The following SPTBN4 variants were observed in gnomAD, a reference collection of about 807,000 sequenced individuals.
SPTBN4 encodes spectrin beta chain, non-erythrocytic 4.
Under a neutral mutation model 277.8 loss-of-function variants are expected in SPTBN4, and 96 were observed. The observed-to-expected ratio is 0.35, with a 90% confidence interval of 0.29 to 0.41. The LOEUF (loss-of-function observed/expected upper bound fraction) is 0.41, where lower values mean the gene tolerates loss of function less well. Ranked by LOEUF, SPTBN4 falls within the 10% of genes least tolerant of loss-of-function variation. SPTBN4 has a pLI of 1.00. For missense variants in SPTBN4, 3,006 were observed against 3,595.7 expected (o/e 0.84, Z 4.19); for synonymous variants, 1,481 against 1,580.3 (o/e 0.94, Z 1.49).
At chr19:40,527,962 C>T (rs896121353) in intron 17 of SPTBN4, among the ~76,000 whole-genome samples, 4 of 146,754 alleles carry the variant, frequency 2.7e-5, no homozygotes, top group Non-Finnish European at 4.5e-5. Context: ...AGGCTGAGGC[C>T]GGAGAATCGC....
rs770792509 is a variant in SPTBN4 at position 40,472,709 on chromosome 19, C to A, written c.88C>A (p.Arg30=). 6.2e-7 allele frequency: 1 copy of A among 1,612,254 alleles called. No homozygotes were observed. Among genetic ancestry groups the A allele is most frequent in the Non-Finnish European group, 8.5e-7 (1 of 1,179,268 alleles). ...TGCTGCCCGCTGGGAGAGTCCGGAT[C>A]GGGGCTGGGAGCGGGAGCAGCCGGC... ...NPAARWESPD[R]GWEREQPAAS... The change falls in exon 2 of 36, where the codon CGG becomes AGG. Residue 30 remains arginine, a synonymous_variant. Coordinates refer to ENST00000598249, the MANE Select transcript of SPTBN4 (RefSeq NM_020971.3).
In SPTBN4 at chr19:40,575,401, C is replaced by G; in HGVS notation, c.7537-10C>G. 1 of 1,612,070 alleles carries G rather than the reference C, an allele frequency of 6.2e-7. No homozygotes were observed. On this transcript the variant is annotated splice_polypyrimidine_tract_variant and intron_variant, in intron 35 of 35. Transcript: ENST00000598249. ...CAAATACGGCCTCTGTGCCCTGTTT[C>G]TTCCCCCAGGAGGAGATGAACGGCT... is the stretch of plus-strand genomic sequence containing the variant.
intron 30 of SPTBN4, 63 bp from the exon 31 acceptor site, chr19:40,567,600 A>C (rs1050374681): frequency 1.4e-4 from 152 of 1,055,804 alleles, no homozygotes; most frequent in Non-Finnish European, 1.7e-4. Flanking sequence ...GCCTCCCCGG[A>C]CCTCCCCCTT....
chr19:40,518,523 C>T (rs947040760), intron 15 of SPTBN4, among the ~76,000 whole-genome samples: 3 of 152,078 alleles, frequency 2.0e-5, no homozygotes, highest in Admixed American at 6.6e-5. Context: ...GCCTCGACTT[C>T]GCAGGCTCCA....
At chr19:40,497,842 G>C (rs867773780) in intron 7 of SPTBN4, among the ~76,000 whole-genome samples, 1 of 145,992 alleles carries the variant, frequency 6.8e-6, no homozygotes, top group Non-Finnish European at 1.5e-5. Context: ...ATCCCCAACC[G>C]TGTCCCAACG....
At position 40,554,156 on chromosome 19, in the gene SPTBN4, C is replaced by G; in HGVS notation, c.4684C>G (p.Arg1562Gly). 1 of 1,442,574 alleles carries G rather than the reference C, an allele frequency of 6.9e-7. No individual in the cohort carries two copies. The highest frequency in any genetic ancestry group is 2.7e-5 in the East Asian group (1 of 37,094). 89.4% of individuals were successfully genotyped at this position (1,442,574 alleles called of 1,614,324 possible). ...TACCTCCTGCCCCCAGGGCCTGCGGCGGGAGATCCAGGCGCATGGGCCGCG... is the reference window on the plus strand; with the variant it reads ...TACCTCCTGCCCCCAGGGCCTGCGGGGGGAGATCCAGGCGCATGGGCCGCG... ...QHIKKNQGLR[R>G]EIQAHGPRLE... Residue 1562 changes from arginine to glycine, a missense_variant, in exon 23 of 36, where the codon CGG (arginine) becomes GGG (glycine). By Grantham distance (125) the Arg-to-Gly change is moderately radical (BLOSUM62 -2). Transcript: ENST00000598249. The surrounding 1 kb of genome is among the most constrained non-coding windows in gnomAD (Gnocchi z 5.7).
At chr19:40,528,474 C>A (rs2080621287) in intron 17 of SPTBN4, among the ~76,000 whole-genome samples, 1 of 152,220 alleles carries the variant, frequency 6.6e-6, no homozygotes, top group South Asian at 2.1e-4. Context: ...CCTGGTCTGT[C>A]TGTCGTCTGT....
intron 18 of SPTBN4, chr19:40,530,638 C>A: frequency 1.1e-6 from 1 of 937,442 alleles, no homozygotes; most frequent in Non-Finnish European, 1.3e-6. Context: ...CCCGCGGACG[C>A]AGACAGGGGA....
intron 17 of SPTBN4, among the ~76,000 whole-genome samples, chr19:40,525,228 G>A (rs1163122934): frequency 6.6e-6 from 1 of 152,028 alleles, no homozygotes; most frequent in Non-Finnish European, 1.5e-5. Flanking sequence ...TGCTTCTAAA[G>A]GAAACTTTTA....
At chr19:40,524,068 C>A (rs546250885) in intron 17 of SPTBN4, among the ~76,000 whole-genome samples, 1 of 152,058 alleles carries the variant, frequency 6.6e-6, no homozygotes, top group Non-Finnish European at 1.5e-5. Flanking sequence ...CTGTGATTAG[C>A]GGCATGAGCC....
intron 13 of SPTBN4, among the ~76,000 whole-genome samples, chr19:40,512,391 T>A (rs1182654830): frequency 6.6e-6 from 1 of 152,076 alleles, no homozygotes; most frequent in Non-Finnish European, 1.5e-5. Flanking sequence ...CACAGAGTAG[T>A]CAGGGCTAGG....
At chr19:40,567,339 A>AAATG in intron 30 of SPTBN4, among the ~76,000 whole-genome samples, 1 of 151,200 alleles carries the variant, frequency 6.6e-6, no homozygotes, top group East Asian at 1.9e-4. Context: ...ATAAATAAAT[A>AAATG]AATAAAGTCT....
At chr19:40,507,592 C>T (rs916419995) in intron 13 of SPTBN4, among the ~76,000 whole-genome samples, 5 of 151,994 alleles carry the variant, frequency 3.3e-5, no homozygotes, top group African/African-American at 1.2e-4. Flanking sequence ...TGCTTGTAAT[C>T]CTAACACTTT....
rs1483234658 is a variant in SPTBN4, at chr19:40,502,624, A to C, written c.1203+117A>C. 1 of 1,442,258 alleles carries C rather than the reference A, an allele frequency of 6.9e-7. No individual in the cohort carries two copies. Among genetic ancestry groups the C allele is most frequent in the East Asian group, 2.3e-5 (1 of 43,742 alleles). 89.3% of individuals were successfully genotyped at this position (1,442,258 alleles called of 1,614,324 possible). ...TGATGGATTAGATATTCATTCTGAC[A>C]GTTTTTCAGTAGTAAAGTGTCATAA... is the stretch of plus-strand genomic sequence containing the variant. On this transcript the variant is annotated intron_variant, in intron 10 of 35. Transcript: ENST00000598249. The surrounding 1 kb of genome is among the most constrained non-coding windows in gnomAD (Gnocchi z 4.9).
chr19:40,552,348 G>A (rs942083705), intron 22 of SPTBN4, among the ~76,000 whole-genome samples: 16 of 151,684 alleles, frequency 1.1e-4, no homozygotes, highest in African/African-American at 3.6e-4. Flanking sequence ...CCAGCTACTC[G>A]GGAGGCTGGG....
At chr19:40,507,063 A>C (rs2080338690) in intron 13 of SPTBN4, among the ~76,000 whole-genome samples, 1 of 152,156 alleles carries the variant, frequency 6.6e-6, no homozygotes, top group East Asian at 1.9e-4. Flanking sequence ...ACTCAGTTCA[A>C]ATGGCTTAAG....
chr19:40,538,250 G>A (rs774827614), intron 20 of SPTBN4, among the ~76,000 whole-genome samples: 3 of 152,118 alleles, frequency 2.0e-5, no homozygotes, highest in Non-Finnish European at 4.4e-5. Flanking sequence ...TTAGCCGAAC[G>A]TGGTGGCACA....
At position 40,554,524 on chromosome 19, in the gene SPTBN4, G is replaced by T; in HGVS notation, c.4962G>T (p.Gln1654His). 6.7e-7 allele frequency: 1 copy of T among 1,484,408 alleles called. No individual in the cohort carries two copies. The highest frequency in any genetic ancestry group is 1.4e-5 in the South Asian group (1 of 72,934). 92.0% of individuals were successfully genotyped at this position (1,484,408 alleles called of 1,614,324 possible). A position where few individuals can be genotyped will look rare whatever the true frequency, so the allele number is the denominator to read the frequency against. The change falls in exon 24 of 36, where the codon CAG becomes CAT. Residue 1654 changes from glutamine to histidine, a missense_variant. By Grantham distance (24) the Gln-to-His change is conservative. Transcript: ENST00000598249. This position sits in a 1 kb window ranked among gnomAD's most constrained non-coding sequence, Gnocchi z 5.7. ...MMSEDKGKDE[Q>H]STLQLLKKHL... ...GCGCTTTGTGCCCCCAGGACGAACA[G>T]AGCACCCTGCAGCTGCTCAAGAAAC...
At chr19:40,516,682 G>A (rs556455078) in intron 15 of SPTBN4, among the ~76,000 whole-genome samples, 44 of 152,102 alleles carry the variant, frequency 2.9e-4, no homozygotes, top group Middle Eastern at 3.4e-3. Context: ...AAATTATCCG[G>A]GCATGGTGGC....
Sources: allele counts gnomAD v4.1 joint callset (sites outside exome capture counted in the v4.1 genomes callset), GRCh38; gene constraint gnomAD v4.1.1; non-coding constraint Gnocchi (gnomAD v3.1); transcripts MANE v1.5; gene names NCBI Gene and HGNC (gene_info 2026-07-23, HGNC 2026-07-21).